SORBS2: variants seen among roughly 807,000 people sequenced by gnomAD.
SORBS2 encodes the protein sorbin and SH3 domain-containing protein 2.
Under a neutral mutation model 97.7 loss-of-function variants are expected in SORBS2, and 46 were observed. That is an observed-to-expected ratio of 0.47 (90% CI 0.37 to 0.60). SORBS2 has a LOEUF of 0.60. SORBS2 is among the 20% of genes least tolerant of loss of function. The probability of loss-of-function intolerance (pLI) is 0.00; values close to 1 mark genes in which losing one functional copy is unlikely to be tolerated. For synonymous variants in SORBS2, 476 were observed against 473.4 expected (o/e 1.01, Z -0.07); for missense variants, 1,316 against 1,282.3 (o/e 1.03, Z -0.40).
chr4:185,881,129 T>C (rs1442500081), intron 1 of SORBS2, among the ~76,000 whole-genome samples: 2 of 152,154 alleles, frequency 1.3e-5, no homozygotes, highest in Non-Finnish European at 2.9e-5. Context: ...GTAATATCAT[T>C]GAAACAAGGT....
chr4:185,696,635 T>A (rs896633506), intron 2 of SORBS2, among the ~76,000 whole-genome samples: 1 of 151,992 alleles, frequency 6.6e-6, no homozygotes, highest in Admixed American at 6.6e-5. Flanking sequence ...AGAGACAGGG[T>A]TTCACCATGT....
intron 4 of SORBS2, among the ~76,000 whole-genome samples, chr4:185,640,416 A>G (rs1228749873): frequency 6.6e-6 from 1 of 152,126 alleles, no homozygotes; most frequent in African/African-American, 2.4e-5. Context: ...ATTTTGCTTT[A>G]TTGTTGTAAT....
intron 1 of SORBS2, among the ~76,000 whole-genome samples, chr4:185,655,848 A>G (rs2097392185): frequency 6.6e-6 from 1 of 152,212 alleles, no homozygotes; most frequent in African/African-American, 2.4e-5. Context: ...CATGTCCATT[A>G]TATATCATTT....
chr4:185,932,948 ATTC>A (rs1168239467), intron 1 of SORBS2: 1 of 152,254 alleles, frequency 6.6e-6, no homozygotes, highest in East Asian at 1.9e-4. Context: ...GAAAAGCAGA[ATTC>A]TTCTTAAGCC....
intron 1 of SORBS2, among the ~76,000 whole-genome samples, chr4:185,799,590 C>T (rs2099121052): frequency 6.6e-6 from 1 of 152,198 alleles, no homozygotes; most frequent in Non-Finnish European, 1.5e-5. Context: ...ATCCCTTAAA[C>T]TACACATGTA....
intron 1 of SORBS2, among the ~76,000 whole-genome samples, chr4:185,937,352 T>C (rs750749081): frequency 6.6e-6 from 1 of 152,228 alleles, no homozygotes; most frequent in Non-Finnish European, 1.5e-5. Context: ...TACAGTGAGA[T>C]AGGTTCAATT....
At chr4:185,645,193 T>C (rs983865481) in intron 4 of SORBS2, among the ~76,000 whole-genome samples, 2 of 152,072 alleles carry the variant, frequency 1.3e-5, no homozygotes, top group African/African-American at 4.8e-5. Flanking sequence ...ATCCTAAGAG[T>C]CTCATAAATT....
intron 3 of SORBS2, among the ~76,000 whole-genome samples, 161 bp downstream of exon 12, chr4:185,649,306 T>A (rs1179601887): frequency 6.6e-6 from 1 of 152,226 alleles, no homozygotes; most frequent in Non-Finnish European, 1.5e-5. Flanking sequence ...AAACATTTGC[T>A]ACAATCCCAG....
intron 1 of SORBS2, among the ~76,000 whole-genome samples, chr4:185,854,864 A>G (rs1346341175): frequency 6.6e-6 from 1 of 152,090 alleles, no homozygotes; most frequent in Non-Finnish European, 1.5e-5. Context: ...CTGATTCCAA[A>G]TGCATCCTTG....
chr4:185,835,365 A>C (rs1414204601), intron 1 of SORBS2, among the ~76,000 whole-genome samples: 1 of 152,218 alleles, frequency 6.6e-6, no homozygotes, highest in African/African-American at 2.4e-5. Flanking sequence ...TAATCACAGA[A>C]ACTAAATTAA....
exon 5 of SORBS2, chr4:185,662,178 G>A (rs1261346246): frequency 6.2e-6 from 10 of 1,613,892 alleles, no homozygotes; most frequent in African/African-American, 1.3e-5. Context: ...GGGGGAAAAC[G>A]GCCTCTGATA....
rs114040703 is a variant in SORBS2, at chr4:185,772,767, G to T, written c.-198+2460C>A. On this transcript the variant is annotated intron_variant, in intron 2 of 20. Coordinates refer to the SORBS2 transcript ENST00000284776. ...GTGCCCTCATGAAACTATAGTAGAA[G>T]ATGCGGAAATAGGACTGTCCCTGTT... 9.5e-4 allele frequency: 145 copies of T among 152,264 alleles called. 1 individual carries two copies. Among genetic ancestry groups the T allele is most frequent in the African/African-American group, 3.0e-3 (126 of 41,550 alleles). The allele number at this position is 152,264 out of a possible 1,614,324, so 9.4% of individuals were successfully genotyped here.
At chr4:185,690,512 G>C in intron 2 of SORBS2, 50 bp downstream of exon 4, 1 of 1,328,616 alleles carries the variant, frequency 7.5e-7, no homozygotes, top group East Asian at 2.5e-5. Flanking sequence ...GGGCCAACAT[G>C]ATTTTTAGAG....
chr4:185,606,720 T>A lies in SORBS2; in HGVS notation c.2796+5060A>T. 9 of 985,344 alleles carry A rather than the reference T, an allele frequency of 9.1e-6. No homozygotes were observed. The highest frequency in any genetic ancestry group is 1.1e-5 in the Non-Finnish European group (9 of 829,922). 61.0% of individuals were successfully genotyped at this position (985,344 alleles called of 1,614,324 possible). ...CAATGTGCAGGTGTGGGGTGCCCTC[T>A]GACCCATCGTGGCCACACCACCAGG... On this transcript the variant is annotated intron_variant, in intron 12 of 14. Transcript: ENST00000418609. The surrounding 1 kb of genome is among the most constrained non-coding windows in gnomAD (Gnocchi z 4.3).
chr4:185,832,910 A>G (rs1370527496), intron 1 of SORBS2, among the ~76,000 whole-genome samples: 1 of 152,192 alleles, frequency 6.6e-6, no homozygotes, highest in Non-Finnish European at 1.5e-5. Flanking sequence ...ATTCAGGGGT[A>G]ATGCTGAGGT....
intron 4 of SORBS2, among the ~76,000 whole-genome samples, chr4:185,672,593 T>C (rs2097729002): frequency 6.6e-6 from 1 of 152,242 alleles, no homozygotes; most frequent in Non-Finnish European, 1.5e-5. Flanking sequence ...TAGAAAACAC[T>C]ATGAAAAATT....
chr4:185,827,204 C>CCATCATCATCATCAT, intron 1 of SORBS2, among the ~76,000 whole-genome samples: 1 of 73,596 alleles, frequency 1.4e-5, no homozygotes, highest in Non-Finnish European at 2.8e-5. Context: ...ATCATCATCA[C>CCATCATCATCATCAT]CATCATCACC....
intron 1 of SORBS2, among the ~76,000 whole-genome samples, chr4:185,786,269 C>T (rs1199496638): frequency 1.3e-5 from 2 of 152,074 alleles, no homozygotes; most frequent in Non-Finnish European, 2.9e-5. Flanking sequence ...CAGTCTCCTT[C>T]GAGCAACAGC....
intron 1 of SORBS2, among the ~76,000 whole-genome samples, chr4:185,777,565 T>C (rs146567805): frequency 6.6e-6 from 1 of 152,340 alleles, no homozygotes; most frequent in African/African-American, 2.4e-5. Flanking sequence ...TAATGAGTTG[T>C]CATAGGGCTC....
Sources: allele counts gnomAD v4.1 joint callset (sites outside exome capture counted in the v4.1 genomes callset), GRCh38; gene constraint gnomAD v4.1.1; non-coding constraint Gnocchi (gnomAD v3.1); transcripts MANE v1.5; gene names NCBI Gene and HGNC (gene_info 2026-07-23, HGNC 2026-07-21).